Variants in ADAMTS10 observed in about 807,000 individuals in gnomAD.
ADAMTS10 encodes A disintegrin and metalloproteinase with thrombospondin motifs 10.
Under a neutral mutation model 135.9 loss-of-function variants are expected in ADAMTS10, and 48 were observed. The ratio of observed to expected loss-of-function variants is 0.35; its 90% CI spans 0.28 to 0.45. The LOEUF is 0.45. Among genes scored for constraint, ADAMTS10 ranks in the 20% least tolerant of loss-of-function variants. The probability of loss-of-function intolerance (pLI) is 1.00; values close to 1 mark genes in which losing one functional copy is unlikely to be tolerated. For synonymous variants in ADAMTS10, 621 were observed against 647.5 expected, an observed-to-expected ratio of 0.96 and a Z score of 0.62; for missense variants, 1,131 against 1,565.2, an observed-to-expected ratio of 0.72 and a Z score of 4.68.
chr19:8,600,025 C>T (rs934018549), intron 6 of ADAMTS10, among the ~76,000 whole-genome samples: 7 of 151,962 alleles, frequency 4.6e-5, no homozygotes, highest in Admixed American at 1.3e-4. Context: ...TTAGTAGAGA[C>T]GGGGTTTCAC....
At chr19:8,606,892 T>C (rs181382807) in intron 2 of ADAMTS10, among the ~76,000 whole-genome samples, 166 of 152,148 alleles carry the variant, frequency 1.1e-3, no homozygotes, top group Middle Eastern at 0.01. Flanking sequence ...ATAGTTCAGA[T>C]TGTGACATGT....
intron 4 of ADAMTS10, among the ~76,000 whole-genome samples, chr19:8,604,522 C>T (rs1055639803): frequency 6.6e-5 from 10 of 150,660 alleles, no homozygotes; most frequent in Admixed American, 6.6e-5. Flanking sequence ...TGTTCTGTCA[C>T]CCATGCTGGA....
chr19:8,600,798 T>C (rs2042661433), intron 6 of ADAMTS10, 130 bp downstream of exon 6: 3 of 1,235,696 alleles, frequency 2.4e-6, no homozygotes, highest in Non-Finnish European at 3.5e-6. Flanking sequence ...GCGCCCGGCC[T>C]GCAACCTTCC....
At chr19:8,592,739 T>C in intron 13 of ADAMTS10, 24 bp downstream of exon 13, 1 of 1,599,460 alleles carries the variant, frequency 6.3e-7, no homozygotes, top group Non-Finnish European at 8.5e-7. Flanking sequence ...CGTGGCCCAG[T>C]TGGGGGCCCT....
At chr19:8,594,554 C>A (rs1555739784) in intron 12 of ADAMTS10, among the ~76,000 whole-genome samples, 1 of 152,186 alleles carries the variant, frequency 6.6e-6, no homozygotes, top group African/African-American at 2.4e-5. Context: ...GACAGCTCCT[C>A]CCCTCCCCTG....
rs200349575 is a variant in ADAMTS10 at position 8,592,918 on chromosome 19, T to C, written c.1480-48A>G. 6 of 1,555,552 alleles carry C rather than the reference T, an allele frequency of 3.9e-6. No individual in the cohort carries two copies. The East Asian group carries it at 1.4e-4, about 35-fold the overall frequency. Reference sequence around the variant, plus strand: ...AGGCTCGCCCCCCTCCCTTCCTCCCTGGGGCAGCCCGCCCGGCTTGGGAGG... The same window carrying C: ...AGGCTCGCCCCCCTCCCTTCCTCCCCGGGGCAGCCCGCCCGGCTTGGGAGG... On this transcript the variant is annotated intron_variant, in intron 12 of 25. Coordinates refer to ENST00000597188, the MANE Select transcript of ADAMTS10 (RefSeq NM_030957.4).
intron 16 of ADAMTS10, 62 bp downstream of exon 16, chr19:8,589,827 G>T: frequency 1.3e-6 from 2 of 1,534,404 alleles, no homozygotes; most frequent in South Asian, 1.1e-5. Flanking sequence ...TCATCCACCT[G>T]CTGCTGGACA....
chr19:8,597,690 C>T (rs1167730095), intron 6 of ADAMTS10, among the ~76,000 whole-genome samples: 1 of 152,048 alleles, frequency 6.6e-6, no homozygotes, highest in African/African-American at 2.4e-5. Flanking sequence ...GCCCAGGCTG[C>T]AGTGCTGCGG....
rs376292178 is a variant in ADAMTS10, at chr19:8,601,118, C to G, written c.620G>C (p.Trp207Ser). The change falls in exon 6 of 26, where the codon TGG (tryptophan) becomes TCG (serine). Residue 207 changes from tryptophan to serine, a missense_variant. This residue lies in a region of ADAMTS10 where 306 missense variants were observed against 344.4 expected (regional missense o/e 0.89). Transcript: ENST00000597188. The surrounding 1 kb of genome is among the most constrained non-coding windows in gnomAD (Gnocchi z 4.6). ...RDEKPWKGRP[W>S]WLRTLKPPPA... ...CGGTGGCTTCAAGGTCCGCAGCCACCATGGCCGCCCTTTCCACGGTTTCTC... is the reference window on the plus strand; with the variant it reads ...CGGTGGCTTCAAGGTCCGCAGCCACGATGGCCGCCCTTTCCACGGTTTCTC... 1.9e-6 allele frequency: 3 copies of G among 1,613,818 alleles called. No individual in the cohort carries two copies. The African/African-American group carries it at 4.0e-5, about 22-fold the overall frequency.
chr19:8,603,100 C>T (rs988995360), intron 5 of ADAMTS10, among the ~76,000 whole-genome samples: 3 of 152,190 alleles, frequency 2.0e-5, no homozygotes, highest in Non-Finnish European at 4.4e-5. Context: ...ACCACCACAC[C>T]GTCTAACTGT....
At position 8,592,733 on chromosome 19, in the gene ADAMTS10, G is replaced by C. The variant is rs989730674; in HGVS notation, c.1587+30C>G. On this transcript the variant is annotated intron_variant, in intron 13 of 25. Coordinates refer to ENST00000597188, the MANE Select transcript of ADAMTS10 (RefSeq NM_030957.4). ...CGCGGGAGGTGGCTCAGGGGGCGTG[G>C]CCCAGTTGGGGGCCCTGGCCGGCGC... 3 of 1,592,382 alleles carry C rather than the reference G, an allele frequency of 1.9e-6. No individual in the cohort carries two copies. In the African/African-American group the frequency reaches 4.0e-5, roughly 21 times the overall value.
chr19:8,584,786 C>A, intron 25 of ADAMTS10, 109 bp downstream of exon 25: 1 of 1,433,010 alleles, frequency 7.0e-7, no homozygotes, highest in Non-Finnish European at 9.5e-7. Flanking sequence ...CACAGCAATG[C>A]ATTTCCGAGG....
In ADAMTS10 at chr19:8,601,022, C is replaced by T. The variant is rs144166844; in HGVS notation, c.716G>A (p.Arg239His). 1,067 of 1,614,162 alleles carry T rather than the reference C, an allele frequency of 6.6e-4. 2 individuals carry two copies. The highest frequency in any genetic ancestry group is 8.1e-4 in the Non-Finnish European group (960 of 1,180,044). Residue 239 changes from arginine to histidine, a missense_variant, in exon 6 of 26, where the codon CGC becomes CAC. By Grantham distance (29) the Arg-to-His change is conservative (BLOSUM62 0). Transcript: ENST00000597188. The surrounding 1 kb of genome is among the most constrained non-coding windows in gnomAD (Gnocchi z 4.6). The part of the protein sequence containing the change: ...PGLKRSVSRE[R>H]YVETLVVADK... Reference sequence around the variant, plus strand: ...AGCCACCACCAGGGTCTCCACGTAGCGCTCTCGGCTGACCGATCGCTTCAG... The same window carrying T: ...AGCCACCACCAGGGTCTCCACGTAGTGCTCTCGGCTGACCGATCGCTTCAG...
In ADAMTS10 at chr19:8,596,515, C is replaced by T. The variant is rs782092152; in HGVS notation, c.1084+27G>A. On this transcript the variant is annotated intron_variant, in intron 9 of 25. Coordinates refer to ENST00000597188, the MANE Select transcript of ADAMTS10 (RefSeq NM_030957.4). The surrounding 1 kb of genome is among the most constrained non-coding windows in gnomAD (Gnocchi z 7.2). ...CACCCCAGCCCACTGCCTTCATAGG[C>T]GCCTGAAACCTACGGGGCTCGGGTA... The T allele has an allele frequency of 5.6e-6, 9 of 1,613,756 alleles. No individual in the cohort carries two copies. Among genetic ancestry groups the T allele is most frequent in the Admixed American group, 5.0e-5 (3 of 59,970 alleles).
rs781886398 is a variant in ADAMTS10, at chr19:8,586,566, T to C, written c.2395A>G (p.Ile799Val). The C allele has an allele frequency of 1.2e-6, 2 of 1,613,700 alleles. No individual in the cohort carries two copies. The highest frequency in any genetic ancestry group is 2.2e-5 in the East Asian group (1 of 44,872). ...EALGPINASL[I>V]VMVLARTELP... Reference sequence around the variant, plus strand: ...CCCAGTCTCCCTGTTACCATGACGATGAGAGATGCATTAATCGGTCCCAGG... The same window carrying C: ...CCCAGTCTCCCTGTTACCATGACGACGAGAGATGCATTAATCGGTCCCAGG... The change falls in exon 20 of 26, where the codon ATC becomes GTC. Residue 799 changes from isoleucine (I) to valine (V), a missense_variant. This residue lies in a region of ADAMTS10 where 745 missense variants were observed against 1,056.3 expected (regional missense o/e 0.71). Transcript: ENST00000597188.
At chr19:8,608,976 C>T (rs79928909) in intron 1 of ADAMTS10, among the ~76,000 whole-genome samples, 7,000 of 145,506 alleles carry the variant, frequency 0.048, 485 homozygotes, top group African/African-American at 0.15. Context: ...AGGGTGGTGT[C>T]GAGGTGTGAC....
chr19:8,586,997 G>A (rs149808581), intron 18 of ADAMTS10, 101 bp from the exon 19 acceptor site: 72 of 1,232,748 alleles, frequency 5.8e-5, no homozygotes, highest in Middle Eastern at 4.2e-4. Flanking sequence ...CTATTACTGC[G>A]CTAAACACAC....
At chr19:8,603,937 A>C in intron 4 of ADAMTS10, 53 bp from the exon 5 acceptor site, 1 of 1,541,438 alleles carries the variant, frequency 6.5e-7, no homozygotes, top group Non-Finnish European at 8.8e-7. Context: ...TCTGGAGCTT[A>C]GGACCCCTGG....
chr19:8,595,709 G>T, intron 12 of ADAMTS10, 53 bp downstream of exon 12: 4 of 798,676 alleles, frequency 5.0e-6, no homozygotes, highest in Non-Finnish European at 7.8e-6. Flanking sequence ...CCCTCCCCCA[G>T]CCCCAGCGGC....
Sources: gnomAD v4.1 joint callset for allele counts (sites outside exome capture counted in the v4.1 genomes callset) on GRCh38, gnomAD v4.1.1 for gene constraint, gnomAD v4.1.1 regional missense constraint, Gnocchi (gnomAD v3.1) non-coding constraint, MANE v1.5 for transcripts, NCBI Gene and HGNC (gene_info 2026-07-23, HGNC 2026-07-21) for gene names.